PPFIA1: variants seen among roughly 807,000 people sequenced by gnomAD.
The protein encoded by PPFIA1 is PPFI scaffold protein A1, also known as liprin-alpha-1.
A neutral mutation model predicts 149.9 loss-of-function variants in PPFIA1; 25 were observed. That is an observed-to-expected ratio of 0.17 (90% confidence interval 0.12 to 0.23). The LOEUF is 0.23. PPFIA1 is among the 10% of genes least tolerant of loss of function. The pLI, the probability that PPFIA1 is intolerant of heterozygous loss-of-function variation, is 1.00. For missense variants in PPFIA1, 1,362 were observed against 1,506.5 expected, an observed-to-expected ratio of 0.90 and a Z score of 1.59; for synonymous variants, 549 against 552.8, an observed-to-expected ratio of 0.99 and a Z score of 0.10.
chr11:70,372,499 ATG>A lies in PPFIA1; in HGVS notation c.3067_3068del (p.Cys1023ProfsTer7). On this transcript the variant is annotated frameshift_variant, in exon 23 of 28. Coordinates refer to ENST00000253925, the MANE Select transcript of PPFIA1 (RefSeq NM_003626.5). LOFTEE classifies it high-confidence loss of function. The stretch of plus-strand genomic sequence containing the variant: ...TAGAAACAGTTTCCAGTGTGGAATT[ATG>A]TGCCTGAGAAGGTTAAATTATGACC... ...FHRNSFQCGI[M>X]CLRRLNYDRK... is the part of the protein sequence containing the mutation. 1 of 1,614,022 alleles carries A rather than the reference ATG, an allele frequency of 6.2e-7. No homozygotes were observed.
chr11:70,337,470 T>C, intron 12 of PPFIA1, 43 bp downstream of exon 12: 2 of 1,432,152 alleles, frequency 1.4e-6, no homozygotes, highest in Non-Finnish European at 1.9e-6. Context: ...CAAGTTGAAC[T>C]GAGTTGATGA....
chr11:70,330,991 T>C (rs185358296), intron 8 of PPFIA1, among the ~76,000 whole-genome samples: 2 of 152,158 alleles, frequency 1.3e-5, no homozygotes, highest in East Asian at 1.9e-4. Flanking sequence ...CCCAGCACTT[T>C]GGGAGGCCGA....
At chr11:70,325,245 A>C (rs2054190927) in intron 4 of PPFIA1, 2 of 433,162 alleles carry the variant, frequency 4.6e-6, no homozygotes, top group Non-Finnish European at 3.9e-6. Flanking sequence ...TTGCAAAAGT[A>C]ATTGTGGGCA....
chr11:70,295,074 C>T (rs898504047), intron 2 of PPFIA1, among the ~76,000 whole-genome samples: 15 of 152,204 alleles, frequency 9.9e-5, no homozygotes, highest in African/African-American at 3.1e-4. Flanking sequence ...GTTGGGTACA[C>T]CTCCCAGACG....
chr11:70,322,626 A>T (rs2136742326), intron 2 of PPFIA1, among the ~76,000 whole-genome samples: 1 of 152,318 alleles, frequency 6.6e-6, no homozygotes, highest in East Asian at 1.9e-4. Flanking sequence ...TATGCACTGA[A>T]ATACTGAATT....
Position 70,339,633 on chromosome 11 carries a change from T to C in PPFIA1, c.1707+327T>C, listed in dbSNP as rs556874143. Among the ~76,000 whole-genome samples the C allele has an allele frequency of 2.3e-3, 354 of 152,106 alleles. 3 individuals are homozygous for C. Among genetic ancestry groups the C allele is most frequent in the African/African-American group, 7.1e-3 (294 of 41,538 alleles). On this transcript the variant is annotated intron_variant, in intron 14 of 27. Transcript: ENST00000253925. ...CCGTGCCTGGCCTCTGTAGTTTTTT[T>C]TTTTTTTTCCTTTTAATAGGAATTC...
Position 70,338,413 on chromosome 11 carries a change from C to A in PPFIA1, c.1531C>A (p.Leu511Ile). 6.2e-7 allele frequency: 1 copy of A among 1,613,564 alleles called. No individual in the cohort carries two copies. Among genetic ancestry groups the A allele is most frequent in the Non-Finnish European group, 8.5e-7 (1 of 1,179,480 alleles). ...VLNIEALRAE[L>I]DHMRLRGASL... ...AAACATTGAAGCACTGAGGGCTGAA[C>A]TAGACCACATGAGACTAAGAGGTGC... is the stretch of plus-strand genomic sequence containing the variant. The change falls in exon 13 of 28, where the codon CTA becomes ATA. Residue 511 changes from leucine (L) to isoleucine (I), a missense_variant. Physicochemically the swap from Leu to Ile is conservative, Grantham distance 5. Around this residue, in one of 7 missense-constraint regions of PPFIA1, gnomAD observed 733 missense variants for 744.1 expected, o/e 0.99. Coordinates refer to ENST00000253925, the MANE Select transcript of PPFIA1 (RefSeq NM_003626.5).
intron 2 of PPFIA1, among the ~76,000 whole-genome samples, chr11:70,277,818 A>G (rs762026458): frequency 1.3e-5 from 2 of 151,698 alleles, no homozygotes; most frequent in Non-Finnish European, 2.9e-5. Context: ...AGAACTTTCT[A>G]CGGTATTTCT....
chr11:70,373,207 G>C (rs1451208194), intron 23 of PPFIA1, among the ~76,000 whole-genome samples: 2 of 103,018 alleles, frequency 1.9e-5, no homozygotes, highest in African/African-American at 6.1e-5. Flanking sequence ...AAATTTATTT[G>C]TTTGTTTGTT....
chr11:70,294,858 A>G (rs548251682), intron 2 of PPFIA1, among the ~76,000 whole-genome samples: 2 of 151,628 alleles, frequency 1.3e-5, no homozygotes, highest in East Asian at 3.9e-4. Flanking sequence ...TTCAGAGAGC[A>G]CAGGGTTGGG....
At position 70,344,436 on chromosome 11, in the gene PPFIA1, C is replaced by T. The variant is rs143105385; in HGVS notation, c.1931+544C>T. Among the ~76,000 whole-genome samples the T allele has an allele frequency of 2.3e-3, 348 of 152,328 alleles. 5 individuals carry two copies. Among genetic ancestry groups the T allele is most frequent in the Middle Eastern group, 0.017 (5 of 294 alleles). ...CACTCAGAACACATGCACACCGGAG[C>T]GGGCGCATATGGTGGGAAGCGGGAG... On this transcript the variant is annotated intron_variant, in intron 15 of 27. Transcript: ENST00000253925.
At chr11:70,279,905 A>ATGTGTGTGTGTGTGTGTGTGTGTGTG (rs759392357) in intron 2 of PPFIA1, among the ~76,000 whole-genome samples, 15,298 of 144,346 alleles carry the variant, frequency 0.11, 906 homozygotes, top group Admixed American at 0.16. Flanking sequence ...TGTGTGGGGG[A>ATGTGTGTGTGTGTGTGTGTGTGTGTG]TGTGTGTGTG....
chr11:70,344,151 C>T (rs2055532605), intron 15 of PPFIA1, among the ~76,000 whole-genome samples: 2 of 152,224 alleles, frequency 1.3e-5, no homozygotes, highest in Non-Finnish European at 2.9e-5. Flanking sequence ...AGAGGTCCTT[C>T]CCCTGAGAAG....
chr11:70,324,450 C>T lies in PPFIA1; in HGVS notation c.313C>T (p.Leu105Phe), dbSNP rs569854139. ...ACTCAATGTATGCAGGGAACAGCTC[C>T]TTGAAAGGGAAGAAGAAATTGCTGA... ...KELNVCREQL[L>F]EREEEIAELK... The change falls in exon 3 of 28, where the codon CTT becomes TTT. Residue 105 changes from leucine to phenylalanine, a missense_variant. Leu to Phe is a conservative substitution (Grantham distance 22, BLOSUM62 0). Around this residue, in one of 7 missense-constraint regions of PPFIA1, gnomAD observed 79 missense variants for 146.2 expected, o/e 0.54. Transcript: ENST00000253925. 1 of 1,613,942 alleles carries T rather than the reference C, an allele frequency of 6.2e-7. No homozygotes were observed. The highest frequency in any genetic ancestry group is 1.3e-5 in the African/African-American group (1 of 75,034).
rs2054582844 is a variant in PPFIA1, at chr11:70,330,396, A to T, written c.1077+77A>T. ...TAAAGACCCTTTTTCTCTCACTTTCATGTTGGAAATCAAGTCCAAATATCA... is the reference window on the plus strand; with the variant it reads ...TAAAGACCCTTTTTCTCTCACTTTCTTGTTGGAAATCAAGTCCAAATATCA... On this transcript the variant is annotated intron_variant, in intron 8 of 27. Coordinates refer to ENST00000253925, the MANE Select transcript of PPFIA1 (RefSeq NM_003626.5). 3.9e-6 allele frequency: 5 copies of T among 1,296,798 alleles called. No homozygotes were observed. The South Asian group carries it at 8.3e-5, about 21-fold the overall frequency. 80.3% of individuals were successfully genotyped at this position (1,296,798 alleles called of 1,614,324 possible). A position where few individuals can be genotyped will look rare whatever the true frequency, so the allele number is the denominator to read the frequency against.
intron 15 of PPFIA1, among the ~76,000 whole-genome samples, chr11:70,345,417 A>G (rs1002025529): frequency 6.6e-6 from 1 of 151,990 alleles, no homozygotes; most frequent in Non-Finnish European, 1.5e-5. Flanking sequence ...AGGAAGGAGA[A>G]GGAGCACATG....
intron 24 of PPFIA1, 120 bp downstream of exon 24, chr11:70,375,213 C>A (rs1424041349): frequency 3.9e-5 from 12 of 308,094 alleles, no homozygotes; most frequent in East Asian, 1.0e-4. Flanking sequence ...CTTCAGACAA[C>A]TAGTTTTTGG....
chr11:70,335,668 G>C lies in PPFIA1; in HGVS notation c.1402G>C (p.Glu468Gln). 6.2e-7 allele frequency: 1 copy of C among 1,614,056 alleles called. No homozygotes were observed. The highest frequency in any genetic ancestry group is 8.5e-7 in the Non-Finnish European group (1 of 1,179,972). ...SNERLQLHLK[E>Q]RMAALEDKNS... ...TGAGAGGCTTCAACTTCATCTTAAA[G>C]AGAGAATGGCTGCTTTGGAAGATAA... Residue 468 changes from glutamate (E) to glutamine (Q), a missense_variant, in exon 11 of 28, where the codon GAG becomes CAG. Around this residue, in one of 7 missense-constraint regions of PPFIA1, gnomAD observed 733 missense variants for 744.1 expected, o/e 0.99. Coordinates refer to ENST00000253925, the MANE Select transcript of PPFIA1 (RefSeq NM_003626.5).
intron 9 of PPFIA1, among the ~76,000 whole-genome samples, 165 bp from the exon 10 acceptor site, chr11:70,333,305 C>T (rs1319849580): frequency 6.6e-6 from 1 of 152,218 alleles, no homozygotes; most frequent in African/African-American, 2.4e-5. Context: ...TGGCCCAGCA[C>T]GTGAAGCCCC....
Sources: gnomAD v4.1 joint callset for allele counts (sites outside exome capture counted in the v4.1 genomes callset) on GRCh38, gnomAD v4.1.1 for gene constraint, gnomAD v4.1.1 regional missense constraint, MANE v1.5 for transcripts, NCBI Gene and HGNC (gene_info 2026-07-23, HGNC 2026-07-21) for gene names.